C2orf42: variants seen among roughly 807,000 people sequenced by gnomAD.
C2orf42 encodes the protein uncharacterized protein C2orf42.
C2orf42 carries 44 observed loss-of-function variants against 58.9 expected under a neutral mutation model. That is an observed-to-expected ratio of 0.75 (90% CI 0.59 to 0.96). C2orf42 has a LOEUF of 0.96. Ranked by LOEUF, C2orf42 falls within the 40% of genes least tolerant of loss-of-function variation. The pLI is 0.00. For synonymous variants in C2orf42, 239 were observed against 265.4 expected, an observed-to-expected ratio of 0.90 and a Z score of 0.97; for missense variants, 630 against 699.2, an observed-to-expected ratio of 0.90 and a Z score of 1.12.
rs1214126095 is a variant in C2orf42 at position 70,165,549 on chromosome 2, G to GT, written c.1230dup (p.Arg411ThrfsTer29). On this transcript the variant is annotated frameshift_variant, in exon 7 of 10. Coordinates refer to ENST00000264434, the MANE Select transcript of C2orf42 (RefSeq NM_017880.3). LOFTEE classifies it high-confidence loss of function. ...GTACCTGTGGTGGAGTTGGGGAGCC[G>GT]TTTTTTTGCACTTCCTATAGATATT... The GT allele has an allele frequency of 3.1e-6, 5 of 1,603,426 alleles. No individual in the cohort carries two copies. The highest frequency in any genetic ancestry group is 4.3e-6 in the Non-Finnish European group (5 of 1,170,512).
At chr2:70,178,833 G>A (rs934807481) in intron 4 of C2orf42, among the ~76,000 whole-genome samples, 1 of 149,298 alleles carries the variant, frequency 6.7e-6, no homozygotes, top group African/African-American at 2.5e-5. Flanking sequence ...AGGCTGATAT[G>A]AGAATTGCTT....
chr2:70,177,686 C>T (rs1044962342), intron 4 of C2orf42, among the ~76,000 whole-genome samples: 1 of 152,170 alleles, frequency 6.6e-6, no homozygotes, highest in East Asian at 1.9e-4. Flanking sequence ...ATGTATACTA[C>T]ACTAGCCATG....
At chr2:70,176,844 A>G (rs1160892866) in intron 4 of C2orf42, among the ~76,000 whole-genome samples, 3 of 152,184 alleles carry the variant, frequency 2.0e-5, no homozygotes, top group African/African-American at 4.8e-5. Context: ...TGGCTTTACC[A>G]TGGTTCATTT....
At chr2:70,152,861 C>T (rs1451731030) in intron 9 of C2orf42, among the ~76,000 whole-genome samples, 2 of 152,016 alleles carry the variant, frequency 1.3e-5, no homozygotes, top group African/African-American at 2.4e-5. Context: ...GGTGAAACTC[C>T]GTCTCTACTA....
chr2:70,175,919 T>A (rs1674161275), intron 4 of C2orf42, 142 bp from the exon 5 acceptor site: 2 of 607,250 alleles, frequency 3.3e-6, no homozygotes, highest in Admixed American at 5.5e-5. Flanking sequence ...TTAGCATTAG[T>A]CTTTACACAT....
chr2:70,177,780 A>C (rs1003152702), intron 4 of C2orf42, among the ~76,000 whole-genome samples: 75 of 152,352 alleles, frequency 4.9e-4, no homozygotes, highest in African/African-American at 1.7e-3. Context: ...TTACACCTGT[A>C]ATTCCAACAA....
chr2:70,160,104 G>A (rs1490190500), intron 9 of C2orf42, among the ~76,000 whole-genome samples: 1 of 151,546 alleles, frequency 6.6e-6, no homozygotes, highest in African/African-American at 2.4e-5. Context: ...TAAAACTATG[G>A]CTGGCATGCA....
At chr2:70,152,977 G>A (rs1672400780) in intron 9 of C2orf42, among the ~76,000 whole-genome samples, 1 of 151,162 alleles carries the variant, frequency 6.6e-6, no homozygotes, top group African/African-American at 2.4e-5. Flanking sequence ...GGGTTGCAGT[G>A]AGCCAAGATC....
intron 9 of C2orf42, among the ~76,000 whole-genome samples, chr2:70,153,623 T>C (rs953574221): frequency 6.8e-6 from 1 of 146,136 alleles, no homozygotes; most frequent in Non-Finnish European, 1.5e-5. Context: ...CCTCCCAAAG[T>C]CTGGACAGAT....
intron 9 of C2orf42, among the ~76,000 whole-genome samples, chr2:70,159,486 G>A (rs1672919184): frequency 6.6e-6 from 1 of 151,468 alleles, no homozygotes; most frequent in African/African-American, 2.4e-5. Flanking sequence ...TACTCGGGAG[G>A]CTGAGGCAGG....
chr2:70,159,327 C>T (rs181388122), intron 9 of C2orf42, among the ~76,000 whole-genome samples: 1 of 152,034 alleles, frequency 6.6e-6, no homozygotes, highest in Admixed American at 6.6e-5. Flanking sequence ...GTGGCTCACA[C>T]CTGTAGTCCT....
intron 9 of C2orf42, among the ~76,000 whole-genome samples, chr2:70,156,573 A>C (rs1027717306): frequency 6.6e-6 from 1 of 151,960 alleles, no homozygotes; most frequent in Non-Finnish European, 1.5e-5. Context: ...AAAAAATAAA[A>C]AACAGGCCAG....
At chr2:70,175,286 G>A (rs1674110554) in intron 5 of C2orf42, among the ~76,000 whole-genome samples, 1 of 152,064 alleles carries the variant, frequency 6.6e-6, no homozygotes, top group African/African-American at 2.4e-5. Flanking sequence ...ATTAAGCCTA[G>A]TATCCATTAG....
rs763887168 is a variant in C2orf42 at position 70,175,645 on chromosome 2, T to C, written c.1039+28A>G. The C allele has an allele frequency of 2.5e-5, 33 of 1,295,152 alleles. No individual in the cohort carries two copies. The Admixed American group carries it at 5.0e-4, about 20-fold the overall frequency. The allele number at this position is 1,295,152 out of a possible 1,614,324, so 80.2% of individuals were successfully genotyped here. On this transcript the variant is annotated intron_variant, in intron 5 of 9. Transcript: ENST00000264434. ...TCTTTAGGATGACTTTCCACCACTG[T>C]AGCCTATTCTAGGGAAGGGAAACTT...
intron 5 of C2orf42, among the ~76,000 whole-genome samples, chr2:70,170,138 C>G (rs1375770847): frequency 6.7e-6 from 1 of 149,374 alleles, no homozygotes; most frequent in Admixed American, 6.7e-5. Context: ...CCACCTGCCT[C>G]AGCCTTCTGA....
Position 70,181,938 on chromosome 2 carries a change from A to G in C2orf42, c.48T>C (p.Asp16=). 6.2e-7 allele frequency: 1 copy of G among 1,613,796 alleles called. No homozygotes were observed. Among genetic ancestry groups the G allele is most frequent in the Non-Finnish European group, 8.5e-7 (1 of 1,179,830 alleles). The change falls in exon 3 of 10, where the codon GAT becomes GAC. Residue 16 remains aspartate (D), a synonymous_variant. Transcript: ENST00000264434. Reference sequence around the variant, plus strand: ...TTCCCCTCAATGTGGCCTTCCCCAAATCAGATAAGAAAGCTGGGACTTTAG... The same window carrying G: ...TTCCCCTCAATGTGGCCTTCCCCAAGTCAGATAAGAAAGCTGGGACTTTAG... The part of the protein sequence containing the change: ...LRTKVPAFLS[D]LGKATLRGIR...
chr2:70,151,208 G>A (rs889560846), intron 9 of C2orf42, among the ~76,000 whole-genome samples: 4 of 152,174 alleles, frequency 2.6e-5, no homozygotes, highest in African/African-American at 9.7e-5. Flanking sequence ...AATTAGCCAG[G>A]TGTGGTGAAA....
intron 3 of C2orf42, among the ~76,000 whole-genome samples, chr2:70,179,930 C>T (rs938538123): frequency 4.0e-5 from 6 of 151,844 alleles, no homozygotes; most frequent in Admixed American, 2.0e-4. Flanking sequence ...CAGAGGCAGA[C>T]GCTGTCTCAA....
In C2orf42 at chr2:70,181,871, C is replaced by G; in HGVS notation, c.115G>C (p.Gly39Arg). The change falls in exon 3 of 10, where the codon GGA becomes CGA. Residue 39 changes from glycine (G) to arginine (R), a missense_variant. Transcript: ENST00000264434. ...CATGTCTTGTTCTTACAGCTCAGTC[C>G]CCGGGTTCCATTGTATGTGCCACAT... is the stretch of plus-strand genomic sequence containing the variant. ...PRCGTYNGTR[G>R]LSCKNKTCGT... The G allele has an allele frequency of 6.2e-7, 1 of 1,613,970 alleles. No homozygotes were observed. Among genetic ancestry groups the G allele is most frequent in the Non-Finnish European group, 8.5e-7 (1 of 1,179,892 alleles).
Sources: gnomAD v4.1 joint callset for allele counts (sites outside exome capture counted in the v4.1 genomes callset) on GRCh38, gnomAD v4.1.1 for gene constraint, MANE v1.5 for transcripts, NCBI Gene and HGNC (gene_info 2026-07-23, HGNC 2026-07-21) for gene names.